Variants in NAV2 observed in about 807,000 individuals in gnomAD.
NAV2 encodes neuron navigator 2, also known as helicase, APC down-regulated 1.
A neutral mutation model predicts 223.2 loss-of-function variants in NAV2; 54 were observed. That is an observed-to-expected ratio of 0.24 (90% confidence interval 0.19 to 0.30). The LOEUF (loss-of-function observed/expected upper bound fraction) is 0.30. Among genes scored for constraint, NAV2 ranks in the 10% least tolerant of loss-of-function variants. NAV2 has a pLI of 1.00. For synonymous variants in NAV2, 1,279 were observed against 1,239.3 expected, an observed-to-expected ratio of 1.03 and a Z score of -0.67; for missense variants, 2,806 against 3,147.5, an observed-to-expected ratio of 0.89 and a Z score of 2.60.
chr11:19,764,671 A>G (rs769298464), intron 1 of NAV2, among the ~76,000 whole-genome samples: 4 of 152,192 alleles, frequency 2.6e-5, no homozygotes, highest in Non-Finnish European at 5.9e-5. Flanking sequence ...CTCCAATAGC[A>G]TCAGTGACAT....
intron 7 of NAV2, among the ~76,000 whole-genome samples, chr11:19,936,600 T>C (rs1363400378): frequency 6.6e-6 from 1 of 152,148 alleles, no homozygotes; most frequent in Admixed American, 6.5e-5. Flanking sequence ...ACGCTGGAAA[T>C]AAGAGCACCA....
chr11:20,105,496 T>G, intron 34 of NAV2, 35 bp from the exon 35 acceptor site: 1 of 1,579,200 alleles, frequency 6.3e-7, no homozygotes, highest in Non-Finnish European at 8.6e-7. Flanking sequence ...TGGATCACCA[T>G]CATCAGCTTG....
Position 19,745,469 on chromosome 11 carries a change from G to A in NAV2, c.267+31507G>A, listed in dbSNP as rs2053257848. Among the ~76,000 whole-genome samples the A allele has an allele frequency of 2.0e-5, 3 of 151,970 alleles. No individual in the cohort carries two copies. In the South Asian group the frequency reaches 6.2e-4, roughly 32 times the overall value. On this transcript the variant is annotated intron_variant, in intron 1 of 37. Coordinates refer to ENST00000349880, the MANE Select transcript of NAV2 (RefSeq NM_145117.5). ...GGCCCTCGATTTTGTCCCCAGAGTA[G>A]CCCTCCACACACCTGCTTCCCTACA...
At chr11:19,777,082 A>G (rs910463629) in intron 1 of NAV2, among the ~76,000 whole-genome samples, 23 of 137,594 alleles carry the variant, frequency 1.7e-4, no homozygotes, top group Admixed American at 3.6e-4. Context: ...CGGGGAACTC[A>G]CCAGCCGCCG....
At chr11:19,931,595 T>A (rs865820875) in intron 6 of NAV2, among the ~76,000 whole-genome samples, 13 of 38,008 alleles carry the variant, frequency 3.4e-4, no homozygotes, top group African/African-American at 4.2e-4. Flanking sequence ...CATAGGTATT[T>A]AAAAAAAAAA....
intron 11 of NAV2, among the ~76,000 whole-genome samples, chr11:20,019,662 G>A (rs1208534992): frequency 1.3e-5 from 2 of 152,042 alleles, no homozygotes; most frequent in Non-Finnish European, 2.9e-5. Context: ...TTCTGGAGAG[G>A]TGAAGAGGAG....
At chr11:19,376,101 C>T (rs1237460136) in intron 1 of NAV2, among the ~76,000 whole-genome samples, 2 of 152,134 alleles carry the variant, frequency 1.3e-5, no homozygotes, top group South Asian at 2.1e-4. Context: ...CCAGATATGT[C>T]GCAGGGAAAA....
At chr11:19,828,169 T>G (rs560154276) in intron 1 of NAV2, among the ~76,000 whole-genome samples, 2 of 152,298 alleles carry the variant, frequency 1.3e-5, no homozygotes, top group African/African-American at 4.8e-5. Flanking sequence ...AACAATTTTT[T>G]AAGGGGGGGA....
At chr11:19,905,444 C>A (rs1415303978) in intron 6 of NAV2, among the ~76,000 whole-genome samples, 1 of 152,146 alleles carries the variant, frequency 6.6e-6, no homozygotes, top group Non-Finnish European at 1.5e-5. Flanking sequence ...CACTGACATG[C>A]TGTAGGGGGC....
At chr11:19,841,987 T>C (rs1328078040) in intron 2 of NAV2, among the ~76,000 whole-genome samples, 1 of 152,204 alleles carries the variant, frequency 6.6e-6, no homozygotes, top group Non-Finnish European at 1.5e-5. Context: ...TCGAGTGACA[T>C]GCCTGATGTC....
At chr11:19,484,295 C>A (rs533055174) in intron 1 of NAV2, among the ~76,000 whole-genome samples, 7 of 152,314 alleles carry the variant, frequency 4.6e-5, no homozygotes, top group African/African-American at 1.4e-4. Context: ...CTGCAGCATC[C>A]TCAGATACTG....
intron 3 of NAV2, among the ~76,000 whole-genome samples, chr11:19,857,357 A>G (rs2061463419): frequency 6.6e-6 from 1 of 152,204 alleles, no homozygotes; most frequent in African/African-American, 2.4e-5. Flanking sequence ...AGGTGCCTTG[A>G]TAAGAATAAG....
chr11:19,782,295 T>A (rs1029679078), intron 1 of NAV2, among the ~76,000 whole-genome samples: 1 of 152,224 alleles, frequency 6.6e-6, no homozygotes. Context: ...AGGAAGGTTT[T>A]GACTTTGGTT....
intron 1 of NAV2, among the ~76,000 whole-genome samples, chr11:19,693,981 T>C (rs80118532): frequency 0.019 from 2,963 of 152,318 alleles, 108 homozygotes; most frequent in African/African-American, 0.068. Flanking sequence ...TTTAGTTCCA[T>C]CTAAAAATAA....
At chr11:19,799,282 A>G (rs1565336831) in intron 1 of NAV2, among the ~76,000 whole-genome samples, 1 of 152,192 alleles carries the variant, frequency 6.6e-6, no homozygotes, top group Non-Finnish European at 1.5e-5. Context: ...GCCAGCATAG[A>G]ACATTTTCAC....
intron 22 of NAV2, among the ~76,000 whole-genome samples, chr11:20,070,733 A>G (rs1295358230): frequency 1.3e-5 from 2 of 152,090 alleles, no homozygotes; most frequent in African/African-American, 4.8e-5. Context: ...TTCCCTGGGA[A>G]TGTGAGCGTG....
intron 29 of NAV2, among the ~76,000 whole-genome samples, chr11:20,094,188 G>A (rs2061064994): frequency 1.4e-5 from 2 of 145,952 alleles, no homozygotes; most frequent in South Asian, 2.2e-4. Flanking sequence ...GTGATGGACT[G>A]TTAGGGGAAA....
At chr11:19,852,711 G>T (rs962872317) in intron 3 of NAV2, among the ~76,000 whole-genome samples, 1 of 152,154 alleles carries the variant, frequency 6.6e-6, no homozygotes, top group Non-Finnish European at 1.5e-5. Flanking sequence ...AATGTGAATA[G>T]TTTTTTTAAA....
intron 1 of NAV2, among the ~76,000 whole-genome samples, chr11:19,467,518 C>T (rs771975694): frequency 6.6e-6 from 1 of 152,166 alleles, no homozygotes; most frequent in Non-Finnish European, 1.5e-5. Context: ...GGTGAAATAA[C>T]TTGTTTTATC....
Sources: allele counts gnomAD v4.1 joint callset (sites outside exome capture counted in the v4.1 genomes callset), GRCh38; gene constraint gnomAD v4.1.1; transcripts MANE v1.5; gene names NCBI Gene and HGNC (gene_info 2026-07-23, HGNC 2026-07-21).